Variants in CEP63 observed in about 807,000 individuals in gnomAD.
CEP63 encodes the protein centrosomal protein of 63 kDa.
Under a neutral mutation model 89.1 loss-of-function variants are expected in CEP63, and 84 were observed. The ratio of observed to expected loss-of-function variants is 0.94; its 90% CI spans 0.79 to 1.13. The LOEUF (loss-of-function observed/expected upper bound fraction) is 1.13. CEP63 is among the 50% of genes most tolerant of loss of function. CEP63 has a pLI of 0.00. For missense variants in CEP63, 838 were observed against 813.3 expected (o/e 1.03, Z -0.37); for synonymous variants, 267 against 272.5 (o/e 0.98, Z 0.20).
chr3:134,509,906 A>G (rs898429286), intron 3 of CEP63, among the ~76,000 whole-genome samples: 4 of 152,246 alleles, frequency 2.6e-5, no homozygotes, highest in Admixed American at 1.3e-4. Flanking sequence ...AACATTTTAA[A>G]CAGCAGAAAT....
intron 10 of CEP63, among the ~76,000 whole-genome samples, chr3:134,581,943 G>A (rs1042373447): frequency 6.6e-6 from 1 of 151,884 alleles, no homozygotes; most frequent in Non-Finnish European, 1.5e-5. Flanking sequence ...CCAAAGTGCT[G>A]GGATTACAGG....
At chr3:134,747,144 T>C in the CEP63 span, among the ~76,000 whole-genome samples, 3 of 152,342 alleles carry the variant, frequency 2.0e-5, no homozygotes, top group Admixed American at 6.5e-5. Flanking sequence ...TACATATGAC[T>C]AGCCAGTTTT....
chr3:134,676,851 A>G, the CEP63 span, among the ~76,000 whole-genome samples: 1 of 152,180 alleles, frequency 6.6e-6, no homozygotes, highest in African/African-American at 2.4e-5. Flanking sequence ...CCTGGCAGAC[A>G]TGTCCTGTGC....
the CEP63 span, among the ~76,000 whole-genome samples, chr3:134,650,530 T>C: frequency 2.0e-5 from 3 of 152,312 alleles, no homozygotes; most frequent in East Asian, 5.8e-4. Context: ...AATCTTGCTC[T>C]ACACCCGTTA....
chr3:134,628,621 T>C, the CEP63 span, among the ~76,000 whole-genome samples: 2 of 152,206 alleles, frequency 1.3e-5, no homozygotes, highest in Non-Finnish European at 2.9e-5. Flanking sequence ...CCACCTACCT[T>C]TTTGATAGAA....
the CEP63 span, among the ~76,000 whole-genome samples, chr3:134,707,273 G>T: frequency 6.6e-6 from 1 of 152,174 alleles, no homozygotes; most frequent in Admixed American, 6.5e-5. Context: ...TAAGTGCAAT[G>T]GTTGAGAGAT....
chr3:134,696,286 T>C, the CEP63 span, among the ~76,000 whole-genome samples: 1 of 152,210 alleles, frequency 6.6e-6, no homozygotes, highest in Non-Finnish European at 1.5e-5. Context: ...GCTTGTGCAT[T>C]CTCTGCCTGG....
At chr3:134,618,572 GA>G in the CEP63 span, among the ~76,000 whole-genome samples, 1 of 142,386 alleles carries the variant, frequency 7.0e-6, no homozygotes, top group Admixed American at 7.7e-5. Context: ...GAGTCACTGG[GA>G]ACTGGCAATG....
At chr3:134,702,082 A>G in the CEP63 span, among the ~76,000 whole-genome samples, 1 of 152,338 alleles carries the variant, frequency 6.6e-6, no homozygotes, top group East Asian at 1.9e-4. Context: ...AGGCAAGCCA[A>G]AAGCCAAATC....
In CEP63 at chr3:134,549,083, G is replaced by T; in HGVS notation, c.1089G>T (p.Thr363=). The part of the protein sequence containing the change: ...LEGSLESVSA[T]CKQLSQELME... The stretch of plus-strand genomic sequence containing the variant: ...ACAGTTTGGAATCTGTGAGTGCAAC[G>T]TGTAAACAGCTGAGCCAAGAACTAA... The change falls in exon 10 of 15, where the codon ACG becomes ACT. Residue 363 remains threonine (T), a synonymous_variant. Transcript: ENST00000675561. The T allele has an allele frequency of 6.2e-7, 1 of 1,612,654 alleles. No individual in the cohort carries two copies. The highest frequency in any genetic ancestry group is 8.5e-7 in the Non-Finnish European group (1 of 1,178,762).
At chr3:134,507,310 T>G (rs1256716395) in intron 3 of CEP63, 24 bp downstream of exon 3, 1 of 1,551,882 alleles carries the variant, frequency 6.4e-7, no homozygotes, top group Non-Finnish European at 8.9e-7. Context: ...TTTGTTCTTC[T>G]TTTTGACATT....
At chr3:134,760,502 T>A in the CEP63 span, among the ~76,000 whole-genome samples, 1 of 152,220 alleles carries the variant, frequency 6.6e-6, no homozygotes, top group African/African-American at 2.4e-5. Flanking sequence ...AATGTCTGTG[T>A]GGTGTATCCA....
chr3:134,724,467 C>T, the CEP63 span, among the ~76,000 whole-genome samples: 1 of 152,204 alleles, frequency 6.6e-6, no homozygotes, highest in East Asian at 1.9e-4. Context: ...AATATTCTCA[C>T]TGCCCACTCT....
At chr3:134,634,354 A>C in the CEP63 span, among the ~76,000 whole-genome samples, 1 of 152,246 alleles carries the variant, frequency 6.6e-6, no homozygotes, top group Non-Finnish European at 1.5e-5. Flanking sequence ...AGATGCATTA[A>C]TGAAAAGCTG....
intron 6 of CEP63, 135 bp downstream of exon 6, chr3:134,537,403 G>A: frequency 1.5e-6 from 1 of 678,742 alleles, no homozygotes; most frequent in Non-Finnish European, 2.7e-6. Flanking sequence ...TGTTTAGGAA[G>A]CCTCTCCTCA....
the CEP63 span, chr3:134,601,221 A>G: frequency 1.3e-5 from 2 of 151,666 alleles, no homozygotes; most frequent in Non-Finnish European, 2.9e-5. Flanking sequence ...GACTGCGCCT[A>G]CAGCTGTCTT....
At chr3:134,606,630 C>T in the CEP63 span, among the ~76,000 whole-genome samples, 4 of 152,180 alleles carry the variant, frequency 2.6e-5, no homozygotes, top group Non-Finnish European at 2.9e-5. Context: ...TCCTTGCTGG[C>T]CTGTGGGCTC....
At chr3:134,778,236 TAC>T in the CEP63 span, among the ~76,000 whole-genome samples, 1 of 151,710 alleles carries the variant, frequency 6.6e-6, no homozygotes, top group Non-Finnish European at 1.5e-5. Flanking sequence ...TAGCTAGGAT[TAC>T]AGACGTGCAC....
At chr3:134,769,468 C>T in the CEP63 span, among the ~76,000 whole-genome samples, 1 of 152,216 alleles carries the variant, frequency 6.6e-6, no homozygotes, top group East Asian at 1.9e-4. Flanking sequence ...CCTAAGACTG[C>T]ATGTGAAACC....
Sources: gnomAD v4.1 joint callset for allele counts (sites outside exome capture counted in the v4.1 genomes callset) on GRCh38, gnomAD v4.1.1 for gene constraint, MANE v1.5 for transcripts, NCBI Gene and HGNC (gene_info 2026-07-23, HGNC 2026-07-21) for gene names.